The following BCAR3 variants were observed in gnomAD, a reference collection of about 807,000 sequenced individuals.
BCAR3 encodes BCAR3 adaptor protein, NSP family member, also known as breast cancer anti-estrogen resistance protein 3.
Under a neutral mutation model 80.1 loss-of-function variants are expected in BCAR3, and 37 were observed. The ratio of observed to expected loss-of-function variants is 0.46; its 90% confidence interval spans 0.36 to 0.61. The LOEUF is 0.61. Ranked by LOEUF, BCAR3 falls within the 20% of genes least tolerant of loss-of-function variation. The pLI is 0.00. For missense variants in BCAR3, 978 were observed against 1,068.2 expected, an observed-to-expected ratio of 0.92 and a Z score of 1.18; for synonymous variants, 389 against 418.9, an observed-to-expected ratio of 0.93 and a Z score of 0.87.
At chr1:93,724,212 G>A (rs562759426) in intron 2 of BCAR3, among the ~76,000 whole-genome samples, 33 of 152,216 alleles carry the variant, frequency 2.2e-4, no homozygotes, top group Non-Finnish European at 4.0e-4. Context: ...CCAGAGTTAG[G>A]ATGCCAGCGC....
intron 2 of BCAR3, among the ~76,000 whole-genome samples, chr1:93,806,077 A>G (rs1653644714): frequency 6.6e-6 from 1 of 152,248 alleles, no homozygotes; most frequent in African/African-American, 2.4e-5. Context: ...AAGGGGTGAT[A>G]TAAAGATTTG....
At chr1:93,591,976 T>A (rs1445692677) in intron 4 of BCAR3, among the ~76,000 whole-genome samples, 2 of 152,236 alleles carry the variant, frequency 1.3e-5, no homozygotes, top group Admixed American at 6.5e-5. Flanking sequence ...TTCTTCCGGT[T>A]ACTGACTCTG....
intron 3 of BCAR3, among the ~76,000 whole-genome samples, chr1:93,638,763 G>A (rs1675883848): frequency 1.3e-5 from 2 of 152,084 alleles, no homozygotes; most frequent in South Asian, 4.2e-4. Flanking sequence ...CAGGGAAACA[G>A]AATCAATTAC....
At chr1:93,653,954 C>G (rs1273040767) in intron 2 of BCAR3, among the ~76,000 whole-genome samples, 1 of 152,150 alleles carries the variant, frequency 6.6e-6, no homozygotes, top group African/African-American at 2.4e-5. Flanking sequence ...CCTGCAATAC[C>G]TTCTGCATCT....
At chr1:93,590,047 GGGA>G (rs1262864631) in intron 4 of BCAR3, among the ~76,000 whole-genome samples, 5 of 152,162 alleles carry the variant, frequency 3.3e-5, no homozygotes, top group Non-Finnish European at 7.4e-5. Flanking sequence ...CTGGCCAGTG[GGGA>G]GGAGGAGTCC....
chr1:93,672,054 G>GA (rs2101943544), intron 2 of BCAR3, among the ~76,000 whole-genome samples: 1 of 151,970 alleles, frequency 6.6e-6, no homozygotes, highest in African/African-American at 2.4e-5. Context: ...TTTCAGTTAA[G>GA]AAAAAAAGAT....
intron 7 of BCAR3, among the ~76,000 whole-genome samples, chr1:93,582,039 C>T (rs1364366222): frequency 6.6e-6 from 1 of 152,220 alleles, no homozygotes; most frequent in Non-Finnish European, 1.5e-5. Context: ...AGCAGCCTGC[C>T]ATCCCTCTGT....
chr1:93,753,018 C>A lies in BCAR3; in HGVS notation c.-62-46876G>T, dbSNP rs113485948. ...GTGATGAATCATGTGACGCACAGTG[C>A]TAAGTTAATCTCTCTAATGATATTA... On this transcript the variant is annotated intron_variant, in intron 2 of 13. Transcript: ENST00000370244. 345 of 152,292 alleles carry A rather than the reference C, an allele frequency of 2.3e-3. 1 individual carries two copies. The highest frequency in any genetic ancestry group is 7.4e-3 in the African/African-American group (308 of 41,536). 9.4% of individuals were successfully genotyped at this position (152,292 alleles called of 1,614,324 possible).
intron 2 of BCAR3, among the ~76,000 whole-genome samples, chr1:93,816,647 G>T (rs1227479595): frequency 7.5e-6 from 1 of 132,662 alleles, no homozygotes; most frequent in African/African-American, 3.0e-5. Context: ...TTCTAGCCTC[G>T]GCGACAGAGC....
chr1:93,709,275 C>T (rs1649934409), intron 2 of BCAR3, among the ~76,000 whole-genome samples: 1 of 152,222 alleles, frequency 6.6e-6, no homozygotes, highest in East Asian at 1.9e-4. Context: ...CATTCTCCTC[C>T]TCTGACCCTG....
intron 3 of BCAR3, among the ~76,000 whole-genome samples, chr1:93,699,552 C>T (rs923390747): frequency 6.6e-6 from 1 of 152,096 alleles, no homozygotes; most frequent in African/African-American, 2.4e-5. Context: ...GATCATATAC[C>T]GGCCTCAGTG....
intron 2 of BCAR3, among the ~76,000 whole-genome samples, chr1:93,831,287 C>A: frequency 6.6e-6 from 1 of 152,126 alleles, no homozygotes; most frequent in East Asian, 1.9e-4. Context: ...TCACTATGGG[C>A]AACTTTCCGC....
chr1:93,774,439 G>A lies in BCAR3; in HGVS notation c.-62-68297C>T, dbSNP rs924272185. On this transcript the variant is annotated intron_variant, in intron 2 of 13. Transcript: ENST00000370244. ...GCAGAGGTTGCAGTGAGCCGAGATC[G>A]GACCACTGCACTCCAGCCTGATCAA... is the stretch of plus-strand genomic sequence containing the variant. 6.6e-5 allele frequency among the ~76,000 whole-genome samples: 10 copies of A among 150,908 alleles called. No individual in the cohort carries two copies. The East Asian group carries it at 7.8e-4, about 12-fold the overall frequency.
upstream of BCAR3, chr1:93,847,895 G>GAGCGGCGGC (rs1655289164): frequency 8.1e-6 from 2 of 246,058 alleles, no homozygotes; most frequent in Non-Finnish European, 1.6e-5. Flanking sequence ...GTCCTGAGAA[G>GAGCGGCGGC]AGCGGCGGCG....
At chr1:93,661,503 T>TA (rs1446149702) in intron 2 of BCAR3, among the ~76,000 whole-genome samples, 2 of 151,712 alleles carry the variant, frequency 1.3e-5, no homozygotes, top group African/African-American at 2.4e-5. Context: ...TTTTTTTTTT[T>TA]TGAGACGAAG....
intron 2 of BCAR3, among the ~76,000 whole-genome samples, chr1:93,732,334 G>C (rs1650818317): frequency 1.3e-5 from 2 of 152,216 alleles, no homozygotes; most frequent in African/African-American, 4.8e-5. Flanking sequence ...GGAAGATCTG[G>C]CCAGGTGCAG....
chr1:93,806,194 C>G (rs1390994964), intron 2 of BCAR3, among the ~76,000 whole-genome samples: 1 of 152,096 alleles, frequency 6.6e-6, no homozygotes, highest in African/African-American at 2.4e-5. Flanking sequence ...TGAAATTTTG[C>G]TGGAATGATC....
intron 2 of BCAR3, among the ~76,000 whole-genome samples, chr1:93,714,206 C>A (rs1387326471): frequency 6.6e-6 from 1 of 152,220 alleles, no homozygotes. Flanking sequence ...TGGTCTCGAT[C>A]TCCTGACCTC....
intron 3 of BCAR3, among the ~76,000 whole-genome samples, chr1:93,689,099 T>C (rs974684007): frequency 2.0e-5 from 3 of 152,174 alleles, no homozygotes; most frequent in African/African-American, 7.2e-5. Flanking sequence ...AGGACTTTCA[T>C]CCTAGCAGGG....
Sources: allele counts gnomAD v4.1 joint callset (sites outside exome capture counted in the v4.1 genomes callset), GRCh38; gene constraint gnomAD v4.1.1; transcripts MANE v1.5; gene names NCBI Gene and HGNC (gene_info 2026-07-23, HGNC 2026-07-21).